The following PAK1 variants were observed in gnomAD, a reference collection of about 807,000 sequenced individuals.
PAK1 encodes the protein serine/threonine-protein kinase PAK 1.
Under a neutral mutation model 67.4 loss-of-function variants are expected in PAK1, and 29 were observed. The observed-to-expected ratio is 0.43, with a 90% CI of 0.32 to 0.59. PAK1 has a LOEUF of 0.59. Ranked by LOEUF, PAK1 falls within the 20% of genes least tolerant of loss-of-function variation. PAK1 has a pLI of 0.07. For synonymous variants in PAK1, 223 were observed against 237.4 expected (o/e 0.94, Z 0.56); for missense variants, 337 against 670.7 (o/e 0.50, Z 5.50).
At chr11:77,332,140 CAA>C (rs1056278426) in intron 14 of PAK1, among the ~76,000 whole-genome samples, 1 of 150,552 alleles carries the variant, frequency 6.6e-6, no homozygotes, top group Non-Finnish European at 1.5e-5. Flanking sequence ...CCCGTCTCTA[CAA>C]AAAAGTTTTT....
At chr11:77,369,316 T>C (rs2136866040) in intron 5 of PAK1, among the ~76,000 whole-genome samples, 1 of 152,102 alleles carries the variant, frequency 6.6e-6, no homozygotes, top group East Asian at 1.9e-4. Context: ...CTCTGTTCTC[T>C]GCTTATGCTT....
chr11:77,416,020 C>T (rs1185588964), intron 1 of PAK1, among the ~76,000 whole-genome samples: 1 of 120,180 alleles, frequency 8.3e-6, no homozygotes, highest in Non-Finnish European at 1.7e-5. Context: ...ACTCCGTCAC[C>T]CAGGCAGGAG....
intron 1 of PAK1, chr11:77,473,241 G>A (rs914200953): frequency 6.8e-4 from 103 of 152,524 alleles, no homozygotes; most frequent in African/African-American, 2.4e-3. Flanking sequence ...CGGTACTCGT[G>A]TGGCCTCCCG....
At chr11:77,443,224 AGAATCACTT>A (rs961034611) in intron 1 of PAK1, among the ~76,000 whole-genome samples, 1 of 151,202 alleles carries the variant, frequency 6.6e-6, no homozygotes, top group Non-Finnish European at 1.5e-5. Flanking sequence ...CTGAGGCAGG[AGAATCACTT>A]GAACCCAGGA....
intron 1 of PAK1, among the ~76,000 whole-genome samples, chr11:77,406,186 T>C (rs1031524045): frequency 6.6e-6 from 1 of 152,180 alleles, no homozygotes; most frequent in Non-Finnish European, 1.5e-5. Context: ...TGGCTTTACA[T>C]ATTATTAATA....
chr11:77,388,240 G>GT (rs1950690991), intron 2 of PAK1, among the ~76,000 whole-genome samples: 1 of 152,178 alleles, frequency 6.6e-6, no homozygotes, highest in Admixed American at 6.5e-5. Flanking sequence ...TTCTACAGCT[G>GT]TATCATTGAA....
At chr11:77,331,646 G>A (rs533626537) in intron 14 of PAK1, among the ~76,000 whole-genome samples, 74 of 152,306 alleles carry the variant, frequency 4.9e-4, no homozygotes, top group African/African-American at 1.7e-3. Flanking sequence ...GGGGTCAGGG[G>A]AGGGTGGAGG....
chr11:77,508,976 T>C, the PAK1 span, among the ~76,000 whole-genome samples: 1 of 136,670 alleles, frequency 7.3e-6, no homozygotes, highest in Non-Finnish European at 1.6e-5. Flanking sequence ...TTCTTTAAAA[T>C]GAGCCAGCAT....
intron 1 of PAK1, among the ~76,000 whole-genome samples, chr11:77,413,803 CAA>C (rs1209706706): frequency 4.6e-5 from 7 of 152,334 alleles, no homozygotes; most frequent in African/African-American, 1.4e-4. Context: ...GATTCAGCTT[CAA>C]AGTCATTTTA....
Position 77,323,088 on chromosome 11 carries a change from G to C in PAK1, c.*186C>G. On this transcript the variant is annotated 3_prime_UTR_variant, in exon 15 of 15. Transcript: ENST00000356341. ...TTTAGAAATGGCCATCATCTGATTA[G>C]TCATTCAGTTGCAGTTCTCTTCAAT... 2 of 1,036,958 alleles carry C rather than the reference G, an allele frequency of 1.9e-6. No homozygotes were observed. Among genetic ancestry groups the C allele is most frequent in the Admixed American group, 4.0e-5 (2 of 50,332 alleles). The allele number at this position is 1,036,958 out of a possible 1,614,324, so 64.2% of individuals were successfully genotyped here.
the PAK1 span, among the ~76,000 whole-genome samples, chr11:77,516,131 A>C: frequency 6.6e-6 from 1 of 152,188 alleles, no homozygotes; most frequent in African/African-American, 2.4e-5. Flanking sequence ...ACAAAGAATA[A>C]TCTTTGCTGC....
chr11:77,509,152 G>A, the PAK1 span, among the ~76,000 whole-genome samples: 1 of 151,646 alleles, frequency 6.6e-6, no homozygotes, highest in African/African-American at 2.4e-5. Context: ...CAGCTACTCG[G>A]GAGGCTGAGG....
Position 77,379,366 on chromosome 11 carries a change from C to T in PAK1, c.314G>A (p.Arg105His), listed in dbSNP as rs937721392. ...AGTGATATTTGATGTCTGAAGCAAG[C>T]GGGCCCACTGCTCTGGCATTCCCTG... ...EFTGMPEQWA[R>H]LLQTSNITKS... The change falls in exon 4 of 15, where the codon CGC becomes CAC. Residue 105 changes from arginine (R) to histidine (H), a missense_variant. This residue lies in a region of PAK1 where 43 missense variants were observed against 141.5 expected (regional missense o/e 0.30). Transcript: ENST00000356341. The T allele has an allele frequency of 8.7e-6, 14 of 1,613,352 alleles. 1 individual carries two copies. The highest frequency in any genetic ancestry group is 6.7e-5 in the African/African-American group (5 of 74,888).
intron 1 of PAK1, among the ~76,000 whole-genome samples, chr11:77,407,304 T>A: frequency 6.6e-6 from 1 of 152,198 alleles, no homozygotes; most frequent in Non-Finnish European, 1.5e-5. Context: ...ACTTCGTGGT[T>A]TTTGTTTGAC....
the PAK1 span, among the ~76,000 whole-genome samples, chr11:77,524,794 T>A: frequency 6.6e-6 from 1 of 152,194 alleles, no homozygotes; most frequent in Non-Finnish European, 1.5e-5. Flanking sequence ...ATTGTTTTGT[T>A]TTGCTTTATC....
chr11:77,384,018 C>T (rs1456754082), intron 2 of PAK1, among the ~76,000 whole-genome samples: 3 of 152,114 alleles, frequency 2.0e-5, no homozygotes, highest in Non-Finnish European at 4.4e-5. Context: ...GGTGCATGCT[C>T]TGTGTACAGA....
rs1048776988 is a variant in PAK1, at chr11:77,473,797, G to C, written c.-267C>G. On this transcript the variant is annotated 5_prime_UTR_variant, in exon 1 of 15. Coordinates refer to ENST00000356341, the MANE Select transcript of PAK1 (RefSeq NM_002576.5). ...GGGGGAAGGGGGGACTGAGGGGCGA[G>C]GTGCGAAGGGCTCAGATGGCCTCTG... The C allele has an allele frequency of 1.4e-4, 22 of 151,792 alleles. No homozygotes were observed. Among genetic ancestry groups the C allele is most frequent in the African/African-American group, 5.1e-4 (21 of 41,262 alleles). The allele number at this position is 151,792 out of a possible 1,614,324, so 9.4% of individuals were successfully genotyped here. A position where few individuals can be genotyped will look rare whatever the true frequency, so the allele number is the denominator to read the frequency against.
At chr11:77,491,492 G>T in the PAK1 span, among the ~76,000 whole-genome samples, 3 of 151,836 alleles carry the variant, frequency 2.0e-5, no homozygotes, top group Non-Finnish European at 4.4e-5. Context: ...TCGTGTCACT[G>T]CACACCAGCC....
At position 77,441,989 on chromosome 11, in the gene PAK1, T is replaced by G. The variant is rs149179525; in HGVS notation, c.-22+31563A>C. Among the ~76,000 whole-genome samples the G allele has an allele frequency of 9.9e-5, 15 of 152,276 alleles. No homozygotes were observed. In the East Asian group the frequency reaches 2.7e-3, roughly 27 times the overall value. ...TGTGTTACCAACTTAGAAAAATTAA[T>G]AGTAGAAAAATGAGACCCAGAAGGC... is the stretch of plus-strand genomic sequence containing the variant. On this transcript the variant is annotated intron_variant, in intron 1 of 14. Transcript: ENST00000356341.
Sources: gnomAD v4.1 joint callset for allele counts (sites outside exome capture counted in the v4.1 genomes callset) on GRCh38, gnomAD v4.1.1 for gene constraint, gnomAD v4.1.1 regional missense constraint, MANE v1.5 for transcripts, NCBI Gene and HGNC (gene_info 2026-07-23, HGNC 2026-07-21) for gene names.